The following COP1 variants were observed in gnomAD, a reference collection of about 807,000 sequenced individuals.
COP1 encodes the protein COP1 E3 ubiquitin ligase, also known as E3 ubiquitin-protein ligase COP1.
Under a neutral mutation model 101.3 loss-of-function variants are expected in COP1, and 24 were observed. The ratio of observed to expected loss-of-function variants is 0.24; its 90% CI spans 0.17 to 0.33. COP1 has a LOEUF of 0.33. Ranked by LOEUF, COP1 falls within the 10% of genes least tolerant of loss-of-function variation. COP1 has a pLI of 1.00. For missense variants in COP1, 663 were observed against 906.2 expected (o/e 0.73, Z 3.45); for synonymous variants, 347 against 341.9 (o/e 1.01, Z -0.17).
intron 15 of COP1, among the ~76,000 whole-genome samples, chr1:176,019,922 T>C (rs1666447294): frequency 2.0e-5 from 3 of 152,176 alleles, no homozygotes; most frequent in Non-Finnish European, 4.4e-5. Flanking sequence ...TCTATTTATA[T>C]ATGTTCATGA....
At chr1:176,119,704 C>T (rs1354881593) in intron 8 of COP1, among the ~76,000 whole-genome samples, 1 of 151,964 alleles carries the variant, frequency 6.6e-6, no homozygotes, top group Non-Finnish European at 1.5e-5. Context: ...AGGGCTGGGT[C>T]CCTCTTGACT....
intron 18 of COP1, among the ~76,000 whole-genome samples, chr1:175,962,829 TGTTAA>T (rs947910232): frequency 2.0e-5 from 3 of 152,160 alleles, no homozygotes; most frequent in African/African-American, 7.2e-5. Flanking sequence ...AATTCACATG[TGTTAA>T]GTTAAATAAG....
intron 11 of COP1, among the ~76,000 whole-genome samples, chr1:176,073,148 C>A (rs1429525107): frequency 1.3e-5 from 2 of 152,060 alleles, no homozygotes; most frequent in Non-Finnish European, 2.9e-5. Context: ...ATAGCAATAT[C>A]TTGCTACCCA....
At chr1:176,203,141 T>C (rs1184087019) in intron 1 of COP1, among the ~76,000 whole-genome samples, 1 of 151,658 alleles carries the variant, frequency 6.6e-6, no homozygotes, top group Non-Finnish European at 1.5e-5. Flanking sequence ...ATCGAGACCA[T>C]CCTGGCTAAC....
chr1:175,961,844 A>C (rs1321991637), intron 18 of COP1, among the ~76,000 whole-genome samples: 1 of 152,114 alleles, frequency 6.6e-6, no homozygotes, highest in Non-Finnish European at 1.5e-5. Flanking sequence ...AAAACTTGAA[A>C]TTTCACAGGA....
chr1:176,142,637 A>T (rs2149785969), intron 6 of COP1, among the ~76,000 whole-genome samples: 1 of 152,212 alleles, frequency 6.6e-6, no homozygotes, highest in South Asian at 2.1e-4. Flanking sequence ...ACCAATTACC[A>T]GTTGGTACAG....
intron 9 of COP1, among the ~76,000 whole-genome samples, chr1:176,111,832 T>A (rs186901347): frequency 6.6e-6 from 1 of 152,222 alleles, no homozygotes; most frequent in Non-Finnish European, 1.5e-5. Context: ...GTCTAGCTAT[T>A]ATCTGGAGCA....
intron 9 of COP1, among the ~76,000 whole-genome samples, chr1:176,086,227 C>CT (rs11428035): frequency 0.85 from 115,190 of 135,010 alleles, 49,611 homozygotes; most frequent in East Asian, 0.99. Context: ...GGGAATCTTT[C>CT]TTTTTTTTTT....
chr1:175,958,720 A>C (rs1650979221), intron 18 of COP1, among the ~76,000 whole-genome samples: 1 of 152,028 alleles, frequency 6.6e-6, no homozygotes, highest in African/African-American at 2.4e-5. Flanking sequence ...TATGTTAATA[A>C]ATTTTAATAT....
At chr1:176,089,818 G>A (rs550237964) in intron 9 of COP1, among the ~76,000 whole-genome samples, 39 of 152,120 alleles carry the variant, frequency 2.6e-4, no homozygotes, top group Non-Finnish European at 4.6e-4. Flanking sequence ...ATAATGTCAC[G>A]ACAAATAAAG....
At chr1:176,074,518 G>A (rs1328218301) in intron 11 of COP1, among the ~76,000 whole-genome samples, 9 of 151,856 alleles carry the variant, frequency 5.9e-5, no homozygotes, top group Admixed American at 5.9e-4. Flanking sequence ...CATGCAAGAC[G>A]GCCCAACCAG....
intron 15 of COP1, among the ~76,000 whole-genome samples, chr1:175,997,140 C>A (rs36161396): frequency 0.28 from 42,132 of 151,050 alleles, 6,638 homozygotes; most frequent in East Asian, 0.48. Context: ...CAAAAACAAG[C>A]AATGGGGAAA....
chr1:175,994,860 T>C (rs916173480), intron 15 of COP1, among the ~76,000 whole-genome samples: 16 of 152,158 alleles, frequency 1.1e-4, no homozygotes, highest in African/African-American at 2.4e-4. Context: ...AACAAGGATA[T>C]CCAGGAATTG....
At chr1:175,992,703 T>A (rs1220224490) in intron 15 of COP1, among the ~76,000 whole-genome samples, 1 of 152,216 alleles carries the variant, frequency 6.6e-6, no homozygotes, top group African/African-American at 2.4e-5. Context: ...GAGGGGCACC[T>A]GCCATTGCCC....
At chr1:175,967,482 T>C (rs1337919750) in intron 18 of COP1, among the ~76,000 whole-genome samples, 1 of 141,034 alleles carries the variant, frequency 7.1e-6, no homozygotes, top group Admixed American at 7.6e-5. Context: ...TGAGACTCAG[T>C]CTCAAAAAAC....
At chr1:176,111,560 TG>T (rs1315509081) in intron 9 of COP1, among the ~76,000 whole-genome samples, 5 of 152,240 alleles carry the variant, frequency 3.3e-5, no homozygotes, top group Admixed American at 6.5e-5. Flanking sequence ...CCCAAAGTGC[TG>T]GGATTACAGG....
chr1:176,203,174 A>G (rs905762855), intron 1 of COP1, among the ~76,000 whole-genome samples: 2 of 151,964 alleles, frequency 1.3e-5, no homozygotes. Context: ...CGCCTCTACT[A>G]AAAATACAAA....
At chr1:176,149,116 T>C in intron 5 of COP1, 42 bp from the exon 6 acceptor site, 1 of 1,343,276 alleles carries the variant, frequency 7.4e-7, no homozygotes, top group Non-Finnish European at 1.0e-6. Flanking sequence ...AAAATATAAC[T>C]GAGTTGAAAG....
intron 18 of COP1, among the ~76,000 whole-genome samples, chr1:175,968,214 G>C (rs1166054368): frequency 6.6e-6 from 1 of 152,160 alleles, no homozygotes; most frequent in Non-Finnish European, 1.5e-5. Flanking sequence ...CCTGGTTGTA[G>C]GTTCCTTAAA....
Sources: gnomAD v4.1 joint callset for allele counts (sites outside exome capture counted in the v4.1 genomes callset) on GRCh38, gnomAD v4.1.1 for gene constraint, MANE v1.5 for transcripts, NCBI Gene and HGNC (gene_info 2026-07-23, HGNC 2026-07-21) for gene names.